The following SLC35F1 variants were observed in gnomAD, a reference collection of about 807,000 sequenced individuals.
SLC35F1 encodes the protein solute carrier family 35 member F1.
In SLC35F1, 14 loss-of-function variants were observed where a neutral mutation model predicts 48.7. The observed-to-expected ratio is 0.29, with a 90% CI of 0.19 to 0.45. The LOEUF is 0.45. Among genes scored for constraint, SLC35F1 ranks in the 20% least tolerant of loss-of-function variants. The pLI is 1.00. For synonymous variants in SLC35F1, 190 were observed against 202.2 expected, an observed-to-expected ratio of 0.94 and a Z score of 0.51; for missense variants, 404 against 500.0, an observed-to-expected ratio of 0.81 and a Z score of 1.83.
At chr6:118,168,845 T>C (rs1212031841) in intron 2 of SLC35F1, among the ~76,000 whole-genome samples, 2 of 152,208 alleles carry the variant, frequency 1.3e-5, no homozygotes, top group Non-Finnish European at 2.9e-5. Flanking sequence ...TATAATCTTA[T>C]GTTATAAAGT....
At chr6:118,060,542 T>C (rs1772523035) in intron 1 of SLC35F1, among the ~76,000 whole-genome samples, 2 of 152,180 alleles carry the variant, frequency 1.3e-5, no homozygotes, top group Non-Finnish European at 2.9e-5. Context: ...TTGTTAGTTA[T>C]CATCTAGATT....
intron 1 of SLC35F1, among the ~76,000 whole-genome samples, chr6:118,052,399 T>G (rs1772403997): frequency 6.6e-6 from 1 of 152,200 alleles, no homozygotes. Flanking sequence ...ACACTTTGCC[T>G]CATTTTCTGA....
At chr6:117,950,231 G>A (rs1209183429) in intron 1 of SLC35F1, among the ~76,000 whole-genome samples, 2 of 152,128 alleles carry the variant, frequency 1.3e-5, no homozygotes, top group Non-Finnish European at 2.9e-5. Context: ...TAAGATGATT[G>A]GGGGCCCATA....
chr6:118,213,590 A>C (rs1044045438), intron 2 of SLC35F1, among the ~76,000 whole-genome samples: 43 of 152,344 alleles, frequency 2.8e-4, no homozygotes, highest in Non-Finnish European at 2.8e-4. Flanking sequence ...AATGAGAAAA[A>C]TGGGTAAATA....
chr6:117,936,605 T>C (rs1315209491), intron 1 of SLC35F1, among the ~76,000 whole-genome samples: 1 of 152,230 alleles, frequency 6.6e-6, no homozygotes, highest in Non-Finnish European at 1.5e-5. Flanking sequence ...TCTTGTTATC[T>C]AGCACTGTTG....
chr6:118,301,044 A>G (rs1372411208), intron 7 of SLC35F1, among the ~76,000 whole-genome samples: 1 of 152,164 alleles, frequency 6.6e-6, no homozygotes, highest in East Asian at 1.9e-4. Context: ...AACCAATTCC[A>G]TCTTTAAATG....
chr6:118,275,145 T>C (rs1435487466), intron 4 of SLC35F1, among the ~76,000 whole-genome samples: 1 of 152,108 alleles, frequency 6.6e-6, no homozygotes, highest in African/African-American at 2.4e-5. Flanking sequence ...CCACTTCATA[T>C]TTGTATAAAT....
chr6:118,154,457 C>A lies in SLC35F1; in HGVS notation c.186C>A (p.Ile62=). 6.2e-7 allele frequency: 1 copy of A among 1,605,772 alleles called. No homozygotes were observed. The highest frequency in any genetic ancestry group is 1.3e-5 in the African/African-American group (1 of 74,688). The change falls in exon 2 of 8, where the codon ATC becomes ATA. Residue 62 remains isoleucine (I), a synonymous_variant. Transcript: ENST00000360388. ...CTTTATTTCTCAGGGAGATGTTAATCTCTGTGGCCCTAGGCCAGGTGTTAT... is the reference window on the plus strand; with the variant it reads ...CTTTATTTCTCAGGGAGATGTTAATATCTGTGGCCCTAGGCCAGGTGTTAT... ...IRKVLNREML[I]SVALGQVLSL... is the part of the protein sequence containing the mutation.
intron 1 of SLC35F1, among the ~76,000 whole-genome samples, chr6:118,075,866 G>A (rs1439193085): frequency 6.6e-6 from 1 of 152,096 alleles, no homozygotes; most frequent in African/African-American, 2.4e-5. Context: ...ACACAGTGTT[G>A]TTCTTTTACA....
chr6:118,206,731 GA>G (rs1382232420), intron 2 of SLC35F1, among the ~76,000 whole-genome samples: 3 of 152,126 alleles, frequency 2.0e-5, no homozygotes, highest in Non-Finnish European at 4.4e-5. Flanking sequence ...TTGTATCACA[GA>G]GGCCATCTTG....
chr6:118,173,479 C>T (rs187968768), intron 2 of SLC35F1, among the ~76,000 whole-genome samples: 155 of 151,812 alleles, frequency 1.0e-3, no homozygotes, highest in African/African-American at 3.5e-3. Context: ...TTCTAAAGGA[C>T]CTCAGCCACA....
intron 1 of SLC35F1, among the ~76,000 whole-genome samples, chr6:118,136,372 G>T (rs1447596942): frequency 6.6e-6 from 1 of 152,068 alleles, no homozygotes; most frequent in African/African-American, 2.4e-5. Context: ...CTTCACATAG[G>T]CTCATTTTAA....
chr6:117,975,579 A>C (rs1459119062), intron 1 of SLC35F1, among the ~76,000 whole-genome samples: 1 of 152,188 alleles, frequency 6.6e-6, no homozygotes, highest in Non-Finnish European at 1.5e-5. Flanking sequence ...TACTATAGTA[A>C]GGTGTAATTT....
intron 1 of SLC35F1, among the ~76,000 whole-genome samples, chr6:118,115,059 G>A (rs768893209): frequency 6.6e-6 from 1 of 152,140 alleles, no homozygotes; most frequent in Non-Finnish European, 1.5e-5. Flanking sequence ...CATCAAGATC[G>A]ATCTCTATTG....
intron 1 of SLC35F1, among the ~76,000 whole-genome samples, chr6:117,938,982 T>C (rs941697910): frequency 6.6e-6 from 1 of 151,010 alleles, no homozygotes; most frequent in Admixed American, 6.6e-5. Flanking sequence ...CTACCAGATA[T>C]GCCTGTATGT....
chr6:118,099,296 A>C (rs1773222882), intron 1 of SLC35F1, among the ~76,000 whole-genome samples: 1 of 152,222 alleles, frequency 6.6e-6, no homozygotes, highest in Non-Finnish European at 1.5e-5. Context: ...GCTAGACACC[A>C]CTGCCAAAGT....
chr6:118,166,686 T>TA lies in SLC35F1; in HGVS notation c.349+12071dup, dbSNP rs564719091. Among the ~76,000 whole-genome samples, 395 of 152,280 alleles carry TA rather than the reference T, an allele frequency of 2.6e-3. 3 individuals are homozygous for TA. Among genetic ancestry groups the TA allele is most frequent in the African/African-American group, 8.9e-3 (368 of 41,560 alleles). On this transcript the variant is annotated intron_variant, in intron 2 of 7. Transcript: ENST00000360388. ...ATAAATGTAGAAGTCTCTGCACTGT[T>TA]AAAAATTGTAAGTTATTTACTACAT...
chr6:118,073,212 A>G (rs112880562), intron 1 of SLC35F1, among the ~76,000 whole-genome samples: 2,216 of 152,302 alleles, frequency 0.015, 61 homozygotes, highest in African/African-American at 0.05. Flanking sequence ...TCTGGATTTT[A>G]TCCTCTATAG....
At position 117,996,524 on chromosome 6, in the gene SLC35F1, G is replaced by A. The variant is rs141700179; in HGVS notation, c.173+88625G>A. The stretch of plus-strand genomic sequence containing the variant: ...GATCCCTGAGCAGCCTAACTGGGAG[G>A]CACCCCCCAGTAGGGGCAGACTGAC... On this transcript the variant is annotated intron_variant, in intron 1 of 7. Transcript: ENST00000360388. Among the ~76,000 whole-genome samples, 158 of 152,310 alleles carry A rather than the reference G, an allele frequency of 1.0e-3. 2 individuals carry two copies. The East Asian group carries it at 0.027, about 26-fold the overall frequency.
Sources: allele counts gnomAD v4.1 joint callset (sites outside exome capture counted in the v4.1 genomes callset), GRCh38; gene constraint gnomAD v4.1.1; transcripts MANE v1.5; gene names NCBI Gene and HGNC (gene_info 2026-07-23, HGNC 2026-07-21).